Variants in AP3B1 observed in about 807,000 individuals in gnomAD.
The protein encoded by AP3B1 is adaptor related protein complex 3 subunit beta 1, also known as AP-3 complex subunit beta-1.
A neutral mutation model predicts 132.5 loss-of-function variants in AP3B1; 61 were observed. The observed-to-expected ratio is 0.46, with a 90% CI of 0.37 to 0.57. AP3B1 has a LOEUF of 0.57. AP3B1 is among the 20% of genes least tolerant of loss of function. AP3B1 has a pLI of 0.00. For synonymous variants in AP3B1, 388 were observed against 438.3 expected (o/e 0.89, Z 1.43); for missense variants, 1,120 against 1,289.4 (o/e 0.87, Z 2.01).
intron 12 of AP3B1, among the ~76,000 whole-genome samples, chr5:78,164,068 T>A (rs998184294): frequency 2.0e-5 from 3 of 151,978 alleles, no homozygotes; most frequent in African/African-American, 7.2e-5. Context: ...AACAAATAAA[T>A]TAAATTAATT....
intron 14 of AP3B1, among the ~76,000 whole-genome samples, chr5:78,147,609 C>T (rs1753462327): frequency 6.6e-6 from 1 of 151,666 alleles, no homozygotes; most frequent in Admixed American, 6.6e-5. Flanking sequence ...TTTGTGAATA[C>T]TGAATTCTCA....
chr5:78,110,197 A>C lies in AP3B1; in HGVS notation c.2397+10T>G. 1.3e-6 allele frequency: 2 copies of C among 1,597,200 alleles called. No homozygotes were observed. The highest frequency in any genetic ancestry group is 2.2e-5 in the East Asian group (1 of 44,664). ...TTACCTTCAATTACAACAAATGTAT[A>C]ATCTCTTACCTTAGTGACTCTTCTG... is the stretch of plus-strand genomic sequence containing the variant. On this transcript the variant is annotated intron_variant, in intron 20 of 26. Transcript: ENST00000255194.
At chr5:78,096,579 C>T (rs1313287275) in intron 21 of AP3B1, among the ~76,000 whole-genome samples, 64 of 151,374 alleles carry the variant, frequency 4.2e-4, no homozygotes, top group African/African-American at 1.5e-3. Context: ...CGTCTCTGCC[C>T]GGCCGCCCAT....
At chr5:78,253,533 C>T (rs912640064) in intron 2 of AP3B1, among the ~76,000 whole-genome samples, 3 of 152,142 alleles carry the variant, frequency 2.0e-5, no homozygotes, top group Non-Finnish European at 4.4e-5. Flanking sequence ...CAGGAAAATA[C>T]GACCTCACCA....
intron 22 of AP3B1, among the ~76,000 whole-genome samples, chr5:78,050,209 T>C (rs1013518214): frequency 2.2e-4 from 34 of 152,292 alleles, no homozygotes; most frequent in Middle Eastern, 3.4e-3. Context: ...GCTTAACCCA[T>C]TGGCATCCCT....
At chr5:78,043,621 C>A in intron 22 of AP3B1, 1 of 484,816 alleles carries the variant, frequency 2.1e-6, no homozygotes, top group Admixed American at 2.2e-5. Flanking sequence ...CTTTGGTACC[C>A]CTGCCAATGG....
rs186529488 is a variant in AP3B1 at position 78,240,349 on chromosome 5, T to C, written c.279+513A>G. Among the ~76,000 whole-genome samples, 233 of 152,298 alleles carry C rather than the reference T, an allele frequency of 1.5e-3. 2 individuals are homozygous for C. Among genetic ancestry groups the C allele is most frequent in the African/African-American group, 6.5e-4 (27 of 41,564 alleles). The stretch of plus-strand genomic sequence containing the variant: ...TAACCTTAATACTAGACTATATTAG[T>C]GTAGCTTACAGAAAACAGTATTTTA... On this transcript the variant is annotated intron_variant, in intron 3 of 26. Coordinates refer to ENST00000255194, the MANE Select transcript of AP3B1 (RefSeq NM_003664.5).
intron 18 of AP3B1, chr5:78,115,920 A>G (rs1376828006): frequency 5.1e-6 from 3 of 588,122 alleles, no homozygotes; most frequent in Non-Finnish European, 3.1e-6. Context: ...CTACTATCCA[A>G]GAGATATTGT....
Position 78,108,504 on chromosome 5 carries a change from T to C in AP3B1, c.2397+1703A>G, listed in dbSNP as rs1384024243. Among the ~76,000 whole-genome samples the C allele has an allele frequency of 2.6e-5, 4 of 152,160 alleles. No individual in the cohort carries two copies. In the East Asian group the frequency reaches 5.8e-4, roughly 22 times the overall value. ...ACTCCACAGTCCTGTATGCCTATTA[T>C]AGATGGGAAAAGGCATTCTAATATA... On this transcript the variant is annotated intron_variant, in intron 20 of 26. Transcript: ENST00000255194.
intron 6 of AP3B1, among the ~76,000 whole-genome samples, chr5:78,220,481 GA>G (rs376196756): frequency 4.2e-4 from 63 of 151,402 alleles, no homozygotes; most frequent in Middle Eastern, 3.4e-3. Flanking sequence ...CAACAGTATA[GA>G]AAAAAAACTG....
At chr5:78,243,840 T>A (rs1561497910) in intron 2 of AP3B1, among the ~76,000 whole-genome samples, 1 of 152,184 alleles carries the variant, frequency 6.6e-6, no homozygotes, top group African/African-American at 2.4e-5. Flanking sequence ...TATAAACCAC[T>A]GTAAAATGAG....
chr5:78,047,275 G>A (rs755103183), intron 22 of AP3B1, among the ~76,000 whole-genome samples: 13 of 152,238 alleles, frequency 8.5e-5, no homozygotes, highest in Admixed American at 2.0e-4. Flanking sequence ...AGGAATTGCC[G>A]CACTGTCTTC....
At chr5:78,023,583 T>C (rs1042617029) in intron 24 of AP3B1, among the ~76,000 whole-genome samples, 2 of 152,022 alleles carry the variant, frequency 1.3e-5, no homozygotes, top group Non-Finnish European at 2.9e-5. Flanking sequence ...ATAAAAATCA[T>C]ATAGGAAAAG....
chr5:78,104,571 C>A (rs956157666), intron 20 of AP3B1, among the ~76,000 whole-genome samples: 2 of 152,050 alleles, frequency 1.3e-5, no homozygotes, highest in African/African-American at 2.4e-5. Flanking sequence ...TTGCAACATA[C>A]AAAAATAGTT....
At chr5:78,260,146 C>T (rs1748022698) in intron 2 of AP3B1, among the ~76,000 whole-genome samples, 1 of 151,764 alleles carries the variant, frequency 6.6e-6, no homozygotes, top group Admixed American at 6.6e-5. Context: ...CATTGCAACC[C>T]AACAATACTA....
intron 22 of AP3B1, among the ~76,000 whole-genome samples, chr5:78,057,981 G>A (rs1468019584): frequency 6.6e-6 from 1 of 152,028 alleles, no homozygotes; most frequent in African/African-American, 2.4e-5. Flanking sequence ...AAAAGAATTA[G>A]CCAGGTAAAT....
chr5:78,225,896 C>T (rs1454596077), intron 5 of AP3B1, among the ~76,000 whole-genome samples: 2 of 151,722 alleles, frequency 1.3e-5, no homozygotes, highest in African/African-American at 4.8e-5. Context: ...TTCAAGAAAG[C>T]GACTGTAAGT....
intron 2 of AP3B1, among the ~76,000 whole-genome samples, chr5:78,264,493 T>C (rs1368411076): frequency 6.6e-6 from 1 of 152,144 alleles, no homozygotes; most frequent in Non-Finnish European, 1.5e-5. Context: ...GCAAAGCTGA[T>C]AGAAAACCCA....
intron 7 of AP3B1, among the ~76,000 whole-genome samples, chr5:78,212,996 G>A (rs1349069732): frequency 6.6e-6 from 1 of 151,994 alleles, no homozygotes; most frequent in Admixed American, 6.6e-5. Context: ...TCCTGCCTCA[G>A]CCTCCCAAGT....
Sources: allele counts gnomAD v4.1 joint callset (sites outside exome capture counted in the v4.1 genomes callset), GRCh38; gene constraint gnomAD v4.1.1; transcripts MANE v1.5; gene names NCBI Gene and HGNC (gene_info 2026-07-23, HGNC 2026-07-21).